Variants in EGFLAM observed in about 807,000 individuals in gnomAD.
The protein encoded by EGFLAM is EGF like, fibronectin type III and laminin G domains.
EGFLAM carries 79 observed loss-of-function variants against 113.1 expected under a neutral mutation model. That is an observed-to-expected ratio of 0.70 (90% CI 0.58 to 0.84). EGFLAM has a LOEUF of 0.84. EGFLAM is among the 40% of genes least tolerant of loss of function. EGFLAM has a pLI of 0.00. For missense variants in EGFLAM, 1,265 were observed against 1,291.6 expected, an observed-to-expected ratio of 0.98 and a Z score of 0.32; for synonymous variants, 504 against 487.6, an observed-to-expected ratio of 1.03 and a Z score of -0.44.
intron 17 of EGFLAM, among the ~76,000 whole-genome samples, chr5:38,447,519 G>A (rs1742752467): frequency 6.6e-6 from 1 of 152,126 alleles, no homozygotes; most frequent in African/African-American, 2.4e-5. Context: ...ACTTTAGGAG[G>A]CCGAGGCGGG....
At chr5:38,326,340 C>A (rs913452163) in intron 1 of EGFLAM, among the ~76,000 whole-genome samples, 2 of 152,170 alleles carry the variant, frequency 1.3e-5, no homozygotes, top group African/African-American at 4.8e-5. Context: ...TGAGCAGCAA[C>A]CGAAGTAGAG....
Position 38,423,723 on chromosome 5 carries a change from T to C in EGFLAM, c.1685-1244T>C, listed in dbSNP as rs888511705. On this transcript the variant is annotated intron_variant, in intron 12 of 21. Coordinates refer to ENST00000322350, the MANE Select transcript of EGFLAM (RefSeq NM_152403.4). ...TGGTCATGTCTGCCTGAACATTCAG[T>C]AGCCACCAGCTGGAATTCACAGAGG... Among the ~76,000 whole-genome samples the C allele has an allele frequency of 2.0e-5, 3 of 152,148 alleles. No individual in the cohort carries two copies. In the South Asian group the frequency reaches 6.2e-4, roughly 32 times the overall value.
chr5:38,277,718 C>A (rs1166760469), intron 1 of EGFLAM, among the ~76,000 whole-genome samples: 4 of 152,096 alleles, frequency 2.6e-5, no homozygotes, highest in Non-Finnish European at 5.9e-5. Flanking sequence ...TTGCAGGATA[C>A]AAAATTAACA....
chr5:38,269,982 C>T (rs1757728496), intron 1 of EGFLAM, among the ~76,000 whole-genome samples: 1 of 152,192 alleles, frequency 6.6e-6, no homozygotes, highest in Non-Finnish European at 1.5e-5. Flanking sequence ...TGGATAAGAG[C>T]ATGATCATTG....
At chr5:38,329,292 GATAA>G (rs10523377) in intron 1 of EGFLAM, among the ~76,000 whole-genome samples, 26,432 of 146,508 alleles carry the variant, frequency 0.18, 2,834 homozygotes, top group Non-Finnish European at 0.24. Flanking sequence ...CTATCTCAAA[GATAA>G]ATAAATAAAT....
In EGFLAM at chr5:38,394,060, T is replaced by G. The variant is rs541507277; in HGVS notation, c.713-12066T>G. Among the ~76,000 whole-genome samples the G allele has an allele frequency of 3.3e-5, 5 of 152,220 alleles. No homozygotes were observed. The South Asian group carries it at 1.0e-3, about 32-fold the overall frequency. ...GGCCCATCTCCGAAGCCGCACCGTC[T>G]GAAGTTAGCCATCTATCTATCCATC... On this transcript the variant is annotated intron_variant, in intron 6 of 21. Transcript: ENST00000322350.
intron 1 of EGFLAM, among the ~76,000 whole-genome samples, chr5:38,288,423 G>A (rs1212021270): frequency 6.6e-6 from 1 of 152,172 alleles, no homozygotes; most frequent in East Asian, 1.9e-4. Context: ...AATCTATTAT[G>A]CATATTATTA....
At chr5:38,410,837 A>G (rs1741455031) in intron 10 of EGFLAM, among the ~76,000 whole-genome samples, 1 of 152,196 alleles carries the variant, frequency 6.6e-6, no homozygotes, top group South Asian at 2.1e-4. Flanking sequence ...AATGAGCCTG[A>G]AGACCTGGAT....
intron 2 of EGFLAM, among the ~76,000 whole-genome samples, chr5:38,338,364 G>T (rs1441192940): frequency 6.6e-6 from 1 of 152,126 alleles, no homozygotes; most frequent in African/African-American, 2.4e-5. Flanking sequence ...TGAAAGTAGA[G>T]GAATATATCT....
intron 1 of EGFLAM, among the ~76,000 whole-genome samples, chr5:38,322,492 C>T (rs1738769310): frequency 6.6e-6 from 1 of 152,178 alleles, no homozygotes; most frequent in South Asian, 2.1e-4. Flanking sequence ...GAGCACTGCC[C>T]TGAGGAGCTG....
chr5:38,261,641 G>A (rs140627788), intron 1 of EGFLAM, among the ~76,000 whole-genome samples: 3 of 152,200 alleles, frequency 2.0e-5, no homozygotes, highest in Admixed American at 6.5e-5. Context: ...TGGAGCTCCC[G>A]TGGGTCAGAT....
intron 6 of EGFLAM, among the ~76,000 whole-genome samples, chr5:38,373,168 T>A (rs908968234): frequency 1.1e-4 from 16 of 152,126 alleles, no homozygotes; most frequent in African/African-American, 3.4e-4. Flanking sequence ...ACCCATTTAA[T>A]CCTCACAGAA....
In EGFLAM at chr5:38,439,355, G is replaced by C. The variant is rs186663708; in HGVS notation, c.2464+900G>C. On this transcript the variant is annotated intron_variant, in intron 17 of 21. Transcript: ENST00000322350. ...CATCATGTTGGGCCTTCATTTTTCA[G>C]TTTCAGTGTGGCCTTTCCTGCCCAG... Among the ~76,000 whole-genome samples the C allele has an allele frequency of 7.3e-5, 11 of 150,386 alleles. No homozygotes were observed. In the East Asian group the frequency reaches 2.2e-3, roughly 29 times the overall value.
chr5:38,371,638 G>A (rs1049987127), intron 6 of EGFLAM, among the ~76,000 whole-genome samples: 19 of 150,792 alleles, frequency 1.3e-4, no homozygotes, highest in African/African-American at 1.7e-4. Context: ...ACACACACAC[G>A]CACACACATA....
chr5:38,356,580 A>G (rs1293813767), intron 5 of EGFLAM, among the ~76,000 whole-genome samples: 1 of 152,196 alleles, frequency 6.6e-6, no homozygotes, highest in East Asian at 1.9e-4. Flanking sequence ...ATGAATCCCC[A>G]TGTCCTTTCA....
intron 5 of EGFLAM, among the ~76,000 whole-genome samples, chr5:38,366,710 A>T (rs1740070798): frequency 6.6e-6 from 1 of 152,214 alleles, no homozygotes; most frequent in Non-Finnish European, 1.5e-5. Flanking sequence ...ACTGGATCAG[A>T]TCAGTGACTC....
intron 1 of EGFLAM, among the ~76,000 whole-genome samples, chr5:38,317,959 T>G (rs1025785785): frequency 2.6e-5 from 4 of 152,182 alleles, no homozygotes; most frequent in African/African-American, 9.7e-5. Context: ...GAGAGAAACC[T>G]GATCCTGAGA....
At chr5:38,422,087 T>C (rs539848186) in intron 12 of EGFLAM, among the ~76,000 whole-genome samples, 1 of 152,140 alleles carries the variant, frequency 6.6e-6, no homozygotes, top group South Asian at 2.1e-4. Context: ...GACTAGGGGT[T>C]GGGGACAGGG....
rs2112192105 is a variant in EGFLAM at position 38,427,107 on chromosome 5, T to C, written c.1909T>C (p.Phe637Leu). The C allele has an allele frequency of 2.5e-6, 4 of 1,614,112 alleles. No individual in the cohort carries two copies. In the East Asian group the frequency reaches 6.7e-5, roughly 27 times the overall value. The stretch of plus-strand genomic sequence containing the variant: ...CCAGCATTACCTTTCCTTCATGGAA[T>C]TTGAGATCACATTTCGGCCAGACTC... ...EPQHYLSFME[F>L]EITFRPDSGD... The change falls in exon 14 of 22, where the codon TTT becomes CTT. Residue 637 changes from phenylalanine (F) to leucine (L), a missense_variant. Phe to Leu is a conservative substitution (Grantham distance 22, BLOSUM62 0). Transcript: ENST00000322350.
Sources: gnomAD v4.1 joint callset for allele counts (sites outside exome capture counted in the v4.1 genomes callset) on GRCh38, gnomAD v4.1.1 for gene constraint, MANE v1.5 for transcripts, NCBI Gene and HGNC (gene_info 2026-07-23, HGNC 2026-07-21) for gene names.